The following IL15RA variants were observed in gnomAD, a reference collection of about 807,000 sequenced individuals.
IL15RA encodes the protein interleukin 15 receptor subunit alpha.
A neutral mutation model predicts 24.2 loss-of-function variants in IL15RA; 26 were observed. The observed-to-expected ratio is 1.07, with a 90% CI of 0.79 to 1.49. The LOEUF (loss-of-function observed/expected upper bound fraction) is 1.49, where lower values mean the gene tolerates loss of function less well. IL15RA is among the 40% of genes most tolerant of loss of function. The pLI, the probability that IL15RA is intolerant of heterozygous loss-of-function variation, is 0.00. For missense variants in IL15RA, 354 were observed against 356.4 expected (o/e 0.99, Z 0.05); for synonymous variants, 166 against 157.6 (o/e 1.05, Z -0.40).
rs1402491820 is a variant in IL15RA, at chr10:5,971,557, A to G, written c.89-5218T>C. 1.3e-5 allele frequency among the ~76,000 whole-genome samples: 2 copies of G among 152,192 alleles called. No individual in the cohort carries two copies. The highest frequency in any genetic ancestry group is 2.9e-5 in the Non-Finnish European group (2 of 68,040). On this transcript the variant is annotated intron_variant, in intron 1 of 6. Transcript: ENST00000379977. The surrounding 1 kb of genome is among the most constrained non-coding windows in gnomAD (Gnocchi z 5.5). The stretch of plus-strand genomic sequence containing the variant: ...GAGCAGAGTCAGAATGGACTCCAAC[A>G]TTCCCCTCGCTTACAGCACCTTTCA...
chr10:5,966,116 AG>A lies in IL15RA; in HGVS notation c.283+28del, dbSNP rs1360392657. On this transcript the variant is annotated intron_variant, in intron 2 of 6. Transcript: ENST00000379977. The surrounding 1 kb of genome is among the most constrained non-coding windows in gnomAD (Gnocchi z 6.4). ...GCAGCCTTGGCAGGGTGGGGGAGGG[AG>A]GAAGGTGGGGTGGCAAGGGCTACTC... is the stretch of plus-strand genomic sequence containing the variant. 2 of 1,512,088 alleles carry A rather than the reference AG, an allele frequency of 1.3e-6. No homozygotes were observed. The highest frequency in any genetic ancestry group is 2.7e-5 in the African/African-American group (2 of 73,040). The allele number at this position is 1,512,088 out of a possible 1,614,324, so 93.7% of individuals were successfully genotyped here. A position where few individuals can be genotyped will look rare whatever the true frequency, so the allele number is the denominator to read the frequency against.
At position 5,966,996 on chromosome 10, in the gene IL15RA, G is replaced by T. The variant is rs11574671; in HGVS notation, c.89-657C>A. Among the ~76,000 whole-genome samples the T allele has an allele frequency of 6.6e-6, 1 of 151,906 alleles. No homozygotes were observed. Among genetic ancestry groups the T allele is most frequent in the Admixed American group, 6.6e-5 (1 of 15,240 alleles). ...ACTCCTAACCTCAAATGATCTGCCC[G>T]CCTCGGCCTCCCAAAGTGCTGGGAT... On this transcript the variant is annotated intron_variant, in intron 1 of 6. Coordinates refer to ENST00000379977, the MANE Select transcript of IL15RA (RefSeq NM_002189.4). This position sits in a 1 kb window ranked among gnomAD's most constrained non-coding sequence, Gnocchi z 6.4.
At chr10:5,969,839 A>G (rs1432644563) in intron 1 of IL15RA, among the ~76,000 whole-genome samples, 1 of 152,214 alleles carries the variant, frequency 6.6e-6, no homozygotes, top group East Asian at 1.9e-4. Context: ...AGAATTCTGC[A>G]ATTTCTCCAG....
Position 5,962,693 on chromosome 10 carries a change from C to A in IL15RA, c.382+1050G>T, listed in dbSNP as rs1401665911. On this transcript the variant is annotated intron_variant, in intron 3 of 6. Transcript: ENST00000379977. This position sits in a 1 kb window ranked among gnomAD's most constrained non-coding sequence, Gnocchi z 5.2. ...CCCAGGTGATGTCAGTGTGTACCCA[C>A]GGCTGACAACTGACACTCCGCAAAG... 1.3e-5 allele frequency among the ~76,000 whole-genome samples: 2 copies of A among 151,940 alleles called. No homozygotes were observed. Among genetic ancestry groups the A allele is most frequent in the Non-Finnish European group, 2.9e-5 (2 of 68,024 alleles).
At position 5,966,372 on chromosome 10, in the gene IL15RA, G is replaced by T; in HGVS notation, c.89-33C>A. On this transcript the variant is annotated intron_variant, in intron 1 of 6. Coordinates refer to ENST00000379977, the MANE Select transcript of IL15RA (RefSeq NM_002189.4). This position sits in a 1 kb window ranked among gnomAD's most constrained non-coding sequence, Gnocchi z 6.4. ...AGTGCAGAGGACAGGGGACGGTGAAGAGGTTTCCACTTGTAAGAGGCGTTC... is the reference window on the plus strand; with the variant it reads ...AGTGCAGAGGACAGGGGACGGTGAATAGGTTTCCACTTGTAAGAGGCGTTC... 1 of 1,576,956 alleles carries T rather than the reference G, an allele frequency of 6.3e-7. No homozygotes were observed. The highest frequency in any genetic ancestry group is 8.7e-7 in the Non-Finnish European group (1 of 1,149,154).
chr10:5,976,789 A>C (rs1461580528), intron 1 of IL15RA, among the ~76,000 whole-genome samples: 1 of 143,942 alleles, frequency 6.9e-6, no homozygotes, highest in African/African-American at 2.6e-5. Context: ...GCTGGCCCCC[A>C]CTCCCCACCC....
chr10:5,966,152 T>A lies in IL15RA; in HGVS notation c.276A>T (p.Lys92Asn). Residue 92 changes from lysine to asparagine, a missense_variant, in exon 2 of 7, where the codon AAA becomes AAT. By Grantham distance (94) the Lys-to-Asn change is moderately conservative. Transcript: ENST00000379977. This position sits in a 1 kb window ranked among gnomAD's most constrained non-coding sequence, Gnocchi z 6.4. The stretch of plus-strand genomic sequence containing the variant: ...GTGGCAAGGGCTACTCACTAATGCA[T>A]TTGAGACTGGGGGTTGTCCAGTGGG... ...NVAHWTTPSL[K>N]CIRDPALVHQ... is the part of the protein sequence containing the mutation. The A allele has an allele frequency of 6.2e-7, 1 of 1,606,272 alleles. No homozygotes were observed. The highest frequency in any genetic ancestry group is 1.3e-5 in the African/African-American group (1 of 74,888).
Position 5,952,944 on chromosome 10 carries a change from C to A in IL15RA, c.*151G>T. On this transcript the variant is annotated 3_prime_UTR_variant, in exon 7 of 7. Transcript: ENST00000379977. ...TGCTCCCTCGCGCAGGAGGCGCCGA[C>A]CCGGCAGTCCGTGAGATCCTGCTGG... 1.5e-6 allele frequency: 1 copy of A among 656,942 alleles called. No individual in the cohort carries two copies. Among genetic ancestry groups the A allele is most frequent in the Non-Finnish European group, 2.7e-6 (1 of 368,378 alleles). The allele number at this position is 656,942 out of a possible 1,614,324, so 40.7% of individuals were successfully genotyped here. A position where few individuals can be genotyped will look rare whatever the true frequency, so the allele number is the denominator to read the frequency against.
At chr10:5,956,673 C>T (rs1834567058) in intron 5 of IL15RA, among the ~76,000 whole-genome samples, 1 of 152,246 alleles carries the variant, frequency 6.6e-6, no homozygotes, top group Non-Finnish European at 1.5e-5. Context: ...AGTCGTCCCA[C>T]ACCTCTGCTC....
downstream of IL15RA, chr10:5,949,194 C>A (rs781347002): frequency 4.2e-6 from 2 of 470,994 alleles, no homozygotes; most frequent in South Asian, 3.1e-5. The surrounding 1 kb of genome is among the most constrained non-coding windows in gnomAD (Gnocchi z 4.4). Flanking sequence ...CCAGGAGGAG[C>A]CTTGTAATTG....
chr10:5,967,616 T>C lies in IL15RA; in HGVS notation c.89-1277A>G, dbSNP rs1836802023. ...GGTTGGTCATTCATACATTTTGGAA[T>C]GCTTTCCATTCCCAGGATATAGTGC... On this transcript the variant is annotated intron_variant, in intron 1 of 6. Transcript: ENST00000379977. This position sits in a 1 kb window ranked among gnomAD's most constrained non-coding sequence, Gnocchi z 4.4. Among the ~76,000 whole-genome samples the C allele has an allele frequency of 6.6e-6, 1 of 152,268 alleles. No individual in the cohort carries two copies. The highest frequency in any genetic ancestry group is 1.5e-5 in the Non-Finnish European group (1 of 68,046).
intron 1 of IL15RA, among the ~76,000 whole-genome samples, chr10:5,969,137 T>C (rs896347334): frequency 1.3e-5 from 2 of 152,204 alleles, no homozygotes; most frequent in African/African-American, 4.8e-5. Flanking sequence ...TCATAGGTCT[T>C]AAAGTCAGGT....
rs1171665723 is a variant in IL15RA at position 5,968,542 on chromosome 10, C to T, written c.89-2203G>A. The T allele has an allele frequency of 3.7e-6, 2 of 541,724 alleles. No homozygotes were observed. The highest frequency in any genetic ancestry group is 3.1e-5 in the East Asian group (1 of 32,168). The allele number at this position is 541,724 out of a possible 1,614,324, so 33.6% of individuals were successfully genotyped here. ...AAGCTGATGGCGTGAGAGATGGAGT[C>T]GATCTCACAAGTTGTTGAGGTGGAT... On this transcript the variant is annotated intron_variant, in intron 1 of 6. Coordinates refer to ENST00000379977, the MANE Select transcript of IL15RA (RefSeq NM_002189.4). This position sits in a 1 kb window ranked among gnomAD's most constrained non-coding sequence, Gnocchi z 5.4.
rs1176792783 is a variant in IL15RA, at chr10:5,965,382, T to G, written c.283+763A>C. ...GTGATGGCTTCCAACATCCACCTTCTCATGGGAAATCCAAACATTTCTCAC... is the reference window on the plus strand; with the variant it reads ...GTGATGGCTTCCAACATCCACCTTCGCATGGGAAATCCAAACATTTCTCAC... On this transcript the variant is annotated intron_variant, in intron 2 of 6. Coordinates refer to ENST00000379977, the MANE Select transcript of IL15RA (RefSeq NM_002189.4). The surrounding 1 kb of genome is among the most constrained non-coding windows in gnomAD (Gnocchi z 5.8). Among the ~76,000 whole-genome samples the G allele has an allele frequency of 6.6e-6, 1 of 152,370 alleles. No homozygotes were observed. The highest frequency in any genetic ancestry group is 1.9e-4 in the East Asian group (1 of 5,192).
chr10:5,971,952 TGAA>T lies in IL15RA; in HGVS notation c.88+5450_88+5452del, dbSNP rs41294195. Among the ~76,000 whole-genome samples the T allele has an allele frequency of 7.2e-4, 110 of 152,326 alleles. 1 individual carries two copies. The highest frequency in any genetic ancestry group is 1.0e-3 in the Non-Finnish European group (69 of 68,038). The stretch of plus-strand genomic sequence containing the variant: ...CTTGCAAGAGTTGAGGGCTACAGGT[TGAA>T]GAGCAAATGAAAGGAAAGTAATGAA... On this transcript the variant is annotated intron_variant, in intron 1 of 6. Transcript: ENST00000379977. This position sits in a 1 kb window ranked among gnomAD's most constrained non-coding sequence, Gnocchi z 5.5.
In IL15RA at chr10:5,955,587, T is replaced by TAATA. The variant is rs1834400101; in HGVS notation, c.692+788_692+791dup. 6.6e-6 allele frequency among the ~76,000 whole-genome samples: 1 copy of TAATA among 152,048 alleles called. No homozygotes were observed. Among genetic ancestry groups the TAATA allele is most frequent in the Non-Finnish European group, 1.5e-5 (1 of 68,004 alleles). On this transcript the variant is annotated intron_variant, in intron 6 of 6. Coordinates refer to ENST00000379977, the MANE Select transcript of IL15RA (RefSeq NM_002189.4). This position sits in a 1 kb window ranked among gnomAD's most constrained non-coding sequence, Gnocchi z 5.3. ...GCCATTTGAGGCTTTAATCAAAGAA[T>TAATA]AATAATACTGCCTAAAGATTAAAAA...
In IL15RA at chr10:5,962,651, C is replaced by T. The variant is rs1350721966; in HGVS notation, c.382+1092G>A. 6.6e-6 allele frequency among the ~76,000 whole-genome samples: 1 copy of T among 151,714 alleles called. No individual in the cohort carries two copies. The highest frequency in any genetic ancestry group is 6.6e-5 in the Admixed American group (1 of 15,234). On this transcript the variant is annotated intron_variant, in intron 3 of 6. Coordinates refer to ENST00000379977, the MANE Select transcript of IL15RA (RefSeq NM_002189.4). The surrounding 1 kb of genome is among the most constrained non-coding windows in gnomAD (Gnocchi z 5.2). ...GAGAGGCGTGAGTCCCAGATTGCAC[C>T]CAGGCCAACTGGAGTGCCCAGGTGA...
rs1184909355 is a variant in IL15RA at position 5,961,637 on chromosome 10, C to T, written c.383-1070G>A. ...GTCCTGATGAGCTTGCTCTCAGGAA[C>T]AGAGGCTGCCTTGTGTTCAGCGTCT... On this transcript the variant is annotated intron_variant, in intron 3 of 6. Transcript: ENST00000379977. The surrounding 1 kb of genome is among the most constrained non-coding windows in gnomAD (Gnocchi z 5.2). 6.6e-6 allele frequency among the ~76,000 whole-genome samples: 1 copy of T among 152,250 alleles called. No individual in the cohort carries two copies. Among genetic ancestry groups the T allele is most frequent in the Non-Finnish European group, 1.5e-5 (1 of 68,042 alleles).
chr10:5,951,193 T>C (rs908790964), downstream of IL15RA, among the ~76,000 whole-genome samples: 5 of 136,200 alleles, frequency 3.7e-5, no homozygotes, highest in African/African-American at 5.6e-5. Context: ...GGTGTTGTGG[T>C]GTGTGCCTGT....
Sources: gnomAD v4.1 joint callset for allele counts (sites outside exome capture counted in the v4.1 genomes callset) on GRCh38, gnomAD v4.1.1 for gene constraint, Gnocchi (gnomAD v3.1) non-coding constraint, MANE v1.5 for transcripts, NCBI Gene and HGNC (gene_info 2026-07-23, HGNC 2026-07-21) for gene names.